KIF7: variants seen among roughly 807,000 people sequenced by gnomAD.
The protein encoded by KIF7 is kinesin family member 7.
In KIF7, 104 loss-of-function variants were observed where a neutral mutation model predicts 135.7. That is an observed-to-expected ratio of 0.77 (90% CI 0.65 to 0.90). The LOEUF (loss-of-function observed/expected upper bound fraction) is 0.90. Among genes scored for constraint, KIF7 ranks in the 40% least tolerant of loss-of-function variants. The pLI, the probability that KIF7 is intolerant of heterozygous loss-of-function variation, is 0.00. For synonymous variants in KIF7, 883 were observed against 809.4 expected, an observed-to-expected ratio of 1.09 and a Z score of -1.54; for missense variants, 2,005 against 1,839.1, an observed-to-expected ratio of 1.09 and a Z score of -1.65.
intron 11 of KIF7, among the ~76,000 whole-genome samples, chr15:89,638,622 C>T (rs1963858933): frequency 6.6e-6 from 1 of 151,498 alleles, no homozygotes; most frequent in African/African-American, 2.4e-5. Flanking sequence ...GAACTACAAA[C>T]CACTGCTCAA....
rs149917755 is a variant in KIF7, at chr15:89,617,774, G to A, written c.*75+255C>T. On this transcript the variant is annotated intron_variant and NMD_transcript_variant, in intron 2 of 2. Coordinates refer to the KIF7 transcript ENST00000558928. Reference sequence around the variant, plus strand: ...TGGCGCGATCCTGGCTCACTGCAACGTCTGCCTCCCGGGTTCAAGCGATTC... The same window carrying A: ...TGGCGCGATCCTGGCTCACTGCAACATCTGCCTCCCGGGTTCAAGCGATTC... Among the ~76,000 whole-genome samples, 24 of 147,876 alleles carry A rather than the reference G, an allele frequency of 1.6e-4. No individual in the cohort carries two copies. In the East Asian group the frequency reaches 3.0e-3, roughly 18 times the overall value.
downstream of KIF7, chr15:89,627,411 C>T (rs1963552712): frequency 3.3e-6 from 1 of 303,780 alleles, no homozygotes; most frequent in East Asian, 6.3e-5. Flanking sequence ...GCCACTCTGC[C>T]TCATTTATGC....
intron 15 of KIF7, chr15:89,631,118 A>G (rs1567058249): frequency 3.8e-6 from 1 of 265,776 alleles, no homozygotes; most frequent in South Asian, 6.3e-5. Context: ...CTATAGTCAC[A>G]TAGGCTTTCT....
At chr15:89,659,813 C>T (rs563013088), upstream of KIF7, among the ~76,000 whole-genome samples, 3 of 152,200 alleles carry the variant, frequency 2.0e-5, no homozygotes, top group Non-Finnish European at 4.4e-5. Flanking sequence ...ATGATACACA[C>T]ACTTTATCAT....
chr15:89,638,328 T>A (rs1963852471), intron 11 of KIF7, among the ~76,000 whole-genome samples: 1 of 141,988 alleles, frequency 7.0e-6, no homozygotes, highest in African/African-American at 2.6e-5. Context: ...AAATAAAGGG[T>A]ATTCAATTAG....
At chr15:89,647,099 C>CCTT in intron 6 of KIF7, 42 bp from the exon 7 acceptor site, 1 of 1,511,544 alleles carries the variant, frequency 6.6e-7, no homozygotes, top group Non-Finnish European at 8.9e-7. Flanking sequence ...ATGAATGCCC[C>CCTT]GACAGGCAGG....
Position 89,628,047 on chromosome 15 carries a change from A to G in KIF7, c.*372T>C, listed in dbSNP as rs1328131152. The G allele has an allele frequency of 3.9e-5, 8 of 202,780 alleles. No homozygotes were observed. Among genetic ancestry groups the G allele is most frequent in the African/African-American group, 1.2e-4 (5 of 43,182 alleles). 12.6% of individuals were successfully genotyped at this position (202,780 alleles called of 1,614,324 possible). A position where few individuals can be genotyped will look rare whatever the true frequency, so the allele number is the denominator to read the frequency against. On this transcript the variant is annotated 3_prime_UTR_variant, in exon 19 of 19. Coordinates refer to ENST00000394412, the MANE Select transcript of KIF7 (RefSeq NM_198525.3). ...AAGTCTCCCAGTTTCCCCTATATAC[A>G]TAAGACCATTTAAACCACAACCTGG... is the stretch of plus-strand genomic sequence containing the variant.
Position 89,630,473 on chromosome 15 carries a change from C to T in KIF7, c.3132G>A (p.Gln1044=), listed in dbSNP as rs1390111708. The part of the protein sequence containing the change: ...LSPEEERTLF[Q]LDEAIEALDA... ...CCAGGGCCTCGATGGCCTCATCCAACTGGAACAGCGTCCGCTCCTCCTGCA... is the reference window on the plus strand; with the variant it reads ...CCAGGGCCTCGATGGCCTCATCCAATTGGAACAGCGTCCGCTCCTCCTGCA... Residue 1044 remains glutamine (Q), a synonymous_variant, in exon 16 of 19, where the codon CAG becomes CAA. Transcript: ENST00000394412. 3 of 1,556,456 alleles carry T rather than the reference C, an allele frequency of 1.9e-6. No homozygotes were observed. The highest frequency in any genetic ancestry group is 2.6e-6 in the Non-Finnish European group (3 of 1,150,838).
Position 89,648,759 on chromosome 15 carries a change from C to A in KIF7, c.939G>T (p.Ser313=), listed in dbSNP as rs1043090604. 1 of 1,535,090 alleles carries A rather than the reference C, an allele frequency of 6.5e-7. No homozygotes were observed. Among genetic ancestry groups the A allele is most frequent in the Non-Finnish European group, 8.7e-7 (1 of 1,145,582 alleles). The change falls in exon 5 of 19, where the codon TCG becomes TCT. Residue 313 remains serine (S), a synonymous_variant. Transcript: ENST00000394412. ...DSKITRILKD[S]LGGNAKTVMI... is the part of the protein sequence containing the mutation. Reference sequence around the variant, plus strand: ...TCACCGTCTTGGCGTTCCCGCCCAGCGAGTCTTTGAGGATCCTGAGGGCGC... The same window carrying A: ...TCACCGTCTTGGCGTTCCCGCCCAGAGAGTCTTTGAGGATCCTGAGGGCGC...
In KIF7 at chr15:89,633,796, C is replaced by T. The variant is rs143915145; in HGVS notation, c.2482G>A (p.Val828Met). The change falls in exon 12 of 19, where the codon GTG becomes ATG. Residue 828 changes from valine to methionine, a missense_variant. Transcript: ENST00000394412. ...CCCTGCTGCTGCCGCATGAGCTGCA[C>T]GTTCCGCTCGAGCTCCTGCAGTCGC... Reference protein sequence around the residue: ...EKRLQELERNVQLMRQQQGQL... With the variant: ...EKRLQELERNMQLMRQQQGQL... 415 of 1,612,282 alleles carry T rather than the reference C, an allele frequency of 2.6e-4. No individual in the cohort carries two copies. Among genetic ancestry groups the T allele is most frequent in the Non-Finnish European group, 3.3e-4 (394 of 1,180,026 alleles).
chr15:89,619,223 T>TC (rs1963384256), intron 1 of KIF7, among the ~76,000 whole-genome samples: 1 of 139,336 alleles, frequency 7.2e-6, no homozygotes, highest in South Asian at 2.3e-4. Context: ...CCATTCTTCT[T>TC]TTTTTTTTTT....
chr15:89,624,501 G>A (rs537158054), downstream of KIF7: 14 of 1,614,144 alleles, frequency 8.7e-6, no homozygotes, highest in African/African-American at 9.3e-5. Context: ...GCATCGTGGA[G>A]TGTCAGCCTG....
At chr15:89,659,521 C>A (rs1041040718), upstream of KIF7, among the ~76,000 whole-genome samples, 2 of 146,248 alleles carry the variant, frequency 1.4e-5, no homozygotes, top group African/African-American at 5.1e-5. Flanking sequence ...AGGAGGGAGG[C>A]AGGGAGGGAG....
At position 89,633,823 on chromosome 15, in the gene KIF7, T is replaced by C; in HGVS notation, c.2455A>G (p.Lys819Glu). The change falls in exon 12 of 19, where the codon AAG (lysine) becomes GAG (glutamate). Residue 819 changes from lysine (K) to glutamate (E), a missense_variant. Transcript: ENST00000394412. Reference protein sequence around the residue: ...RLVSLSAQSEKRLQELERNVQ... With the variant: ...RLVSLSAQSEERLQELERNVQ... ...TTCCGCTCGAGCTCCTGCAGTCGCTTCTCACTCTGGGCCGACAGTGACACC... is the reference window on the plus strand; with the variant it reads ...TTCCGCTCGAGCTCCTGCAGTCGCTCCTCACTCTGGGCCGACAGTGACACC... 1 of 1,613,368 alleles carries C rather than the reference T, an allele frequency of 6.2e-7. No individual in the cohort carries two copies. The highest frequency in any genetic ancestry group is 2.2e-5 in the East Asian group (1 of 44,876).
exon 2 of KIF7, chr15:89,618,088 G>T: frequency 6.6e-7 from 1 of 1,507,208 alleles, no homozygotes; most frequent in South Asian, 1.1e-5. Context: ...GAAGCTGCCT[G>T]TCTCCTTAAT....
upstream of KIF7, among the ~76,000 whole-genome samples, chr15:89,658,040 C>T (rs988757726): frequency 2.0e-5 from 3 of 152,210 alleles, no homozygotes; most frequent in Admixed American, 6.5e-5. Flanking sequence ...TAGGGGAAAG[C>T]TATTCAATCC....
rs1341285410 is a variant in KIF7, at chr15:89,639,411, C to A, written c.2394+2792G>T. On this transcript the variant is annotated intron_variant, in intron 11 of 18. Transcript: ENST00000394412. ...TACTCATCTGACAGAGGGCTAATAT[C>A]CAGAATCTACAATGAACTCAAACAA... 4.9e-3 allele frequency among the ~76,000 whole-genome samples: 667 copies of A among 135,454 alleles called. 13 individuals carry two copies. Among genetic ancestry groups the A allele is most frequent in the Admixed American group, 0.041 (543 of 13,210 alleles). The allele number at this position is 135,454 out of a possible 152,430, so 88.9% of individuals were successfully genotyped here. A position where few individuals can be genotyped will look rare whatever the true frequency, so the allele number is the denominator to read the frequency against.
upstream of KIF7, among the ~76,000 whole-genome samples, chr15:89,655,730 T>A (rs1027239839): frequency 1.3e-5 from 2 of 152,132 alleles, no homozygotes; most frequent in African/African-American, 4.8e-5. Flanking sequence ...TCATCCCCGG[T>A]CTCTGTTTTC....
At chr15:89,632,153 C>G (rs1424073661) in intron 14 of KIF7, among the ~76,000 whole-genome samples, 1 of 152,208 alleles carries the variant, frequency 6.6e-6, no homozygotes, top group Non-Finnish European at 1.5e-5. Flanking sequence ...TCCTGGACAT[C>G]AGAGTGATGC....
Sources: allele counts gnomAD v4.1 joint callset (sites outside exome capture counted in the v4.1 genomes callset), GRCh38; gene constraint gnomAD v4.1.1; transcripts MANE v1.5; gene names NCBI Gene and HGNC (gene_info 2026-07-23, HGNC 2026-07-21).